Variants in AFAP1L2 observed in about 807,000 individuals in gnomAD.
AFAP1L2 encodes the protein actin filament-associated protein 1-like 2.
Under a neutral mutation model 99.3 loss-of-function variants are expected in AFAP1L2, and 46 were observed. The ratio of observed to expected loss-of-function variants is 0.46; its 90% CI spans 0.37 to 0.59. AFAP1L2 has a LOEUF of 0.59. Ranked by LOEUF, AFAP1L2 falls within the 20% of genes least tolerant of loss-of-function variation. AFAP1L2 has a pLI of 0.00. For missense variants in AFAP1L2, 959 were observed against 1,034.9 expected, an observed-to-expected ratio of 0.93 and a Z score of 1.01; for synonymous variants, 397 against 419.1, an observed-to-expected ratio of 0.95 and a Z score of 0.64.
chr10:114,289,291 G>A, the AFAP1L2 span: 1,819 of 1,614,052 alleles, frequency 1.1e-3, 15 homozygotes, highest in African/African-American at 0.021. Flanking sequence ...GCTCACAGGC[G>A]GGAGAGGCGC....
At chr10:114,289,384 G>C in the AFAP1L2 span, 1 of 1,611,472 alleles carries the variant, frequency 6.2e-7, no homozygotes, top group Non-Finnish European at 8.5e-7. Flanking sequence ...TGTCCTAAGT[G>C]AGGGTCTGCG....
chr10:114,341,510 G>A (rs1455936813), intron 1 of AFAP1L2, among the ~76,000 whole-genome samples: 2 of 152,076 alleles, frequency 1.3e-5, no homozygotes, highest in Non-Finnish European at 2.9e-5. Flanking sequence ...CTACTTGGGA[G>A]GCTGAGGCAG....
intron 1 of AFAP1L2, among the ~76,000 whole-genome samples, chr10:114,364,855 G>T (rs77699906): frequency 6.6e-6 from 1 of 152,154 alleles, no homozygotes. Context: ...AGGAATGGGA[G>T]GGGGAGCCTT....
intron 5 of AFAP1L2, among the ~76,000 whole-genome samples, chr10:114,321,937 C>T (rs748600416): frequency 6.6e-6 from 1 of 152,188 alleles, no homozygotes; most frequent in Non-Finnish European, 1.5e-5. Context: ...ACCCAAATCT[C>T]GTCTTGAATT....
intron 5 of AFAP1L2, among the ~76,000 whole-genome samples, chr10:114,318,262 A>G (rs2044466553): frequency 6.6e-6 from 1 of 152,240 alleles, no homozygotes; most frequent in South Asian, 2.1e-4. Context: ...ACAAAAATTA[A>G]TGGAGGAGGC....
At chr10:114,339,149 G>A (rs1354689901) in intron 2 of AFAP1L2, among the ~76,000 whole-genome samples, 3 of 152,222 alleles carry the variant, frequency 2.0e-5, no homozygotes, top group African/African-American at 2.4e-5. Context: ...AACCAGCATG[G>A]AAGAGTGCTT....
intron 1 of AFAP1L2, among the ~76,000 whole-genome samples, chr10:114,399,996 G>T (rs934324619): frequency 3.9e-5 from 6 of 152,224 alleles, no homozygotes; most frequent in African/African-American, 1.4e-4. Flanking sequence ...TCAGCAGTTT[G>T]CCCAAGGAAA....
chr10:114,404,654 C>G, upstream of AFAP1L2: 1 of 678,960 alleles, frequency 1.5e-6, no homozygotes, highest in Non-Finnish European at 2.1e-6. Context: ...TCCCAGCGCC[C>G]CTGTCCCAGC....
intron 8 of AFAP1L2, 65 bp downstream of exon 8, chr10:114,310,289 C>T (rs574040497): frequency 1.3e-6 from 2 of 1,499,502 alleles, no homozygotes; most frequent in East Asian, 2.3e-5. Context: ...CCCAATTTTG[C>T]ACTTTTAATT....
chr10:114,395,259 T>C (rs2057571966), intron 1 of AFAP1L2, among the ~76,000 whole-genome samples: 1 of 152,200 alleles, frequency 6.6e-6, no homozygotes, highest in Non-Finnish European at 1.5e-5. Flanking sequence ...GTCCTGACAA[T>C]GCAAAGGGCG....
chr10:114,290,333 G>C (rs761365199), downstream of AFAP1L2: 30 of 1,550,478 alleles, frequency 1.9e-5, no homozygotes, highest in Admixed American at 3.9e-5. Flanking sequence ...TGCAAGTGTC[G>C]GGATGGCTGG....
At chr10:114,312,063 T>A (rs896825398) in intron 7 of AFAP1L2, among the ~76,000 whole-genome samples, 7 of 152,002 alleles carry the variant, frequency 4.6e-5, no homozygotes, top group African/African-American at 7.2e-5. Context: ...ACACAGAAAG[T>A]CTGTGCCTGC....
At position 114,299,287 on chromosome 10, in the gene AFAP1L2, G is replaced by A. The variant is rs1367652912; in HGVS notation, c.2086C>T (p.Leu696=). ...GTGCATTTCAGTAGGGTTTCCTTTA[G>A]CTCCCGTTTCTCTTTCCGGAGCTGA... ...LAQLRKEKRE[L]KETLLKCTDK... is the part of the protein sequence containing the mutation. Residue 696 remains leucine (L), a synonymous_variant, in exon 16 of 19, where the codon CTA becomes TTA. Transcript: ENST00000304129. The A allele has an allele frequency of 1.2e-6, 2 of 1,614,232 alleles. No individual in the cohort carries two copies. Among genetic ancestry groups the A allele is most frequent in the Non-Finnish European group, 1.7e-6 (2 of 1,180,050 alleles).
At chr10:114,284,163 A>T in the AFAP1L2 span, among the ~76,000 whole-genome samples, 19 of 152,252 alleles carry the variant, frequency 1.2e-4, no homozygotes, top group Non-Finnish European at 2.1e-4. Context: ...CCACATTTTG[A>T]CACAGGCTGT....
intron 1 of AFAP1L2, among the ~76,000 whole-genome samples, chr10:114,389,047 C>T (rs1380443586): frequency 6.6e-6 from 1 of 152,188 alleles, no homozygotes; most frequent in African/African-American, 2.4e-5. Context: ...TTCCGGAAGA[C>T]TTAAGCTTTA....
intron 4 of AFAP1L2, among the ~76,000 whole-genome samples, chr10:114,328,420 G>A (rs2046732280): frequency 6.6e-6 from 1 of 152,350 alleles, no homozygotes; most frequent in East Asian, 1.9e-4. Flanking sequence ...CCAGCCCTCA[G>A]GTGGACAAAC....
intron 4 of AFAP1L2, among the ~76,000 whole-genome samples, chr10:114,325,362 G>A (rs1196646264): frequency 2.6e-5 from 4 of 152,196 alleles, no homozygotes; most frequent in Non-Finnish European, 5.9e-5. Context: ...CAGTTAATGT[G>A]TTGTCCTGAA....
rs140334959 is a variant in AFAP1L2, at chr10:114,368,741, TA to T, written c.17-28011del. On this transcript the variant is annotated intron_variant, in intron 1 of 18. Transcript: ENST00000304129. Reference sequence around the variant, plus strand: ...ATGTATTGTTTACTTGAAATTTTCCTAAACATGGATCTTAAGTGTCCTTACA... The same window carrying T: ...ATGTATTGTTTACTTGAAATTTTCCTAACATGGATCTTAAGTGTCCTTACA... 4.9e-3 allele frequency among the ~76,000 whole-genome samples: 744 copies of T among 150,564 alleles called. 5 individuals are homozygous for T. Among genetic ancestry groups the T allele is most frequent in the African/African-American group, 0.017 (704 of 40,880 alleles).
At chr10:114,358,643 G>A (rs192701832) in intron 1 of AFAP1L2, among the ~76,000 whole-genome samples, 9 of 152,222 alleles carry the variant, frequency 5.9e-5, no homozygotes, top group East Asian at 5.8e-4. Context: ...GGCTGGGCAC[G>A]GTGGCTCACA....
Sources: allele counts gnomAD v4.1 joint callset (sites outside exome capture counted in the v4.1 genomes callset), GRCh38; gene constraint gnomAD v4.1.1; transcripts MANE v1.5; gene names NCBI Gene and HGNC (gene_info 2026-07-23, HGNC 2026-07-21).